Variants in PLXNA1 observed in about 807,000 individuals in gnomAD.
PLXNA1 encodes plexin A1.
A neutral mutation model predicts 191.7 loss-of-function variants in PLXNA1; 77 were observed. That is an observed-to-expected ratio of 0.40 (90% CI 0.33 to 0.49). The LOEUF is 0.49. Among genes scored for constraint, PLXNA1 ranks in the 20% least tolerant of loss-of-function variants. PLXNA1 has a pLI of 0.63. For missense variants in PLXNA1, 2,110 were observed against 2,660.2 expected (o/e 0.79, Z 4.55); for synonymous variants, 1,137 against 1,156.4 (o/e 0.98, Z 0.34).
rs4679323 is a variant in PLXNA1 at position 127,018,425 on chromosome 3, C to G, written c.3792C>G (p.Leu1264=). 1 of 1,612,820 alleles carries G rather than the reference C, an allele frequency of 6.2e-7. No homozygotes were observed. The highest frequency in any genetic ancestry group is 8.5e-7 in the Non-Finnish European group (1 of 1,179,912). The part of the protein sequence containing the change: ...GLLLLVIVAV[L]IAYKRKSRDA... ...TGCTGCTGGTCATCGTGGCTGTGCT[C>G]ATCGCCTACAAGCGCAAGTCACGAG... The change falls in exon 20 of 32, where the codon CTC becomes CTG. Residue 1264 remains leucine (L), a synonymous_variant. Coordinates refer to ENST00000393409, the MANE Select transcript of PLXNA1 (RefSeq NM_032242.4).
intron 3 of PLXNA1, among the ~76,000 whole-genome samples, chr3:126,993,173 C>T (rs576739543): frequency 1.5e-4 from 23 of 152,316 alleles, no homozygotes; most frequent in Non-Finnish European, 2.8e-4. Flanking sequence ...GCCTGTCTCC[C>T]CTGCCTCCTC....
rs749448584 is a variant in PLXNA1, at chr3:126,988,891, A to G, written c.298A>G (p.Ser100Gly). 9 of 1,613,192 alleles carry G rather than the reference A, an allele frequency of 5.6e-6. No individual in the cohort carries two copies. Among genetic ancestry groups the G allele is most frequent in the Non-Finnish European group, 7.6e-6 (9 of 1,180,014 alleles). The change falls in exon 2 of 32, where the codon AGC becomes GGC. Residue 100 changes from serine (S) to glycine (G), a missense_variant. By Grantham distance (56) the Ser-to-Gly change is moderately conservative. This residue lies in a region of PLXNA1 where 903 missense variants were observed against 1,015.7 expected (regional missense o/e 0.89). Coordinates refer to ENST00000393409, the MANE Select transcript of PLXNA1 (RefSeq NM_032242.4). The stretch of plus-strand genomic sequence containing the variant: ...CAACGAGAAGTGCTACCCGCCGCCC[A>G]GCGTGCAGTCCTGCCCCCACGGCCT... ...EDNEKCYPPP[S>G]VQSCPHGLGS...
At chr3:127,001,261 C>T (rs1273590711) in intron 3 of PLXNA1, among the ~76,000 whole-genome samples, 2 of 152,210 alleles carry the variant, frequency 1.3e-5, no homozygotes, top group African/African-American at 2.4e-5. Context: ...CATTTGTGCC[C>T]CCAACCCTGA....
In PLXNA1 at chr3:127,017,682, G is replaced by C; in HGVS notation, c.3516+18G>C. The C allele has an allele frequency of 1.2e-6, 2 of 1,613,108 alleles. No individual in the cohort carries two copies. The highest frequency in any genetic ancestry group is 1.3e-5 in the African/African-American group (1 of 75,020). On this transcript the variant is annotated intron_variant, in intron 18 of 31. Transcript: ENST00000393409. The stretch of plus-strand genomic sequence containing the variant: ...TCCTCAAGGTGGGTCACCATTGCCC[G>C]TAGGCTGGGCCAAGCCAGGGAAGAG...
intron 20 of PLXNA1, among the ~76,000 whole-genome samples, chr3:127,019,788 C>G (rs1342592191): frequency 1.3e-5 from 2 of 152,096 alleles, no homozygotes; most frequent in South Asian, 2.1e-4. Flanking sequence ...GCACCAGGCC[C>G]GAGATGTGCA....
chr3:127,013,386 C>T (rs550915095), intron 10 of PLXNA1, among the ~76,000 whole-genome samples: 5 of 152,240 alleles, frequency 3.3e-5, no homozygotes, highest in East Asian at 1.9e-4. Flanking sequence ...ATTGCCGGGC[C>T]GCCCCTTGGA....
intron 5 of PLXNA1, 49 bp downstream of exon 5, chr3:127,004,760 C>T (rs2107627237): frequency 2.5e-6 from 4 of 1,585,804 alleles, no homozygotes; most frequent in Admixed American, 1.7e-5. Context: ...CCATGGTGGT[C>T]TCACAGTGGG....
Position 127,017,781 on chromosome 3 carries a change from C to G in PLXNA1, c.3549C>G (p.Asn1183Lys), listed in dbSNP as rs750090806. The change falls in exon 19 of 32, where the codon AAC (asparagine) becomes AAG (lysine). Residue 1183 changes from asparagine (N) to lysine (K), a missense_variant. Coordinates refer to ENST00000393409, the MANE Select transcript of PLXNA1 (RefSeq NM_032242.4). The stretch of plus-strand genomic sequence containing the variant: ...ACCTCTTGCCACCTGCACCCGGCAA[C>G]TCCCGACTCAACTACACGGTGCTCA... Reference protein sequence around the residue: ...GRNLLPPAPGNSRLNYTVLIG... With the variant: ...GRNLLPPAPGKSRLNYTVLIG... 7 of 1,613,246 alleles carry G rather than the reference C, an allele frequency of 4.3e-6. No individual in the cohort carries two copies. The South Asian group carries it at 7.7e-5, about 18-fold the overall frequency.
rs767896133 is a variant in PLXNA1, at chr3:127,015,186, A to G, written c.2880A>G (p.Thr960=). ...CAGCAAGTTCCCTCTTCCTGCAGAC[A>G]CCAACCTTCTACCGTGTGAGCCCCT... ...ALSPKRFTFV[T]PTFYRVSPSR... is the part of the protein sequence containing the mutation. The change falls in exon 15 of 32, where the codon ACA becomes ACG. Residue 960 remains threonine, a splice_region_variant and synonymous_variant. Coordinates refer to ENST00000393409, the MANE Select transcript of PLXNA1 (RefSeq NM_032242.4). 12 of 1,610,360 alleles carry G rather than the reference A, an allele frequency of 7.5e-6. No homozygotes were observed. The highest frequency in any genetic ancestry group is 5.9e-6 in the Non-Finnish European group (7 of 1,178,004).
At chr3:127,020,750 G>A (rs1017550703) in intron 21 of PLXNA1, among the ~76,000 whole-genome samples, 4 of 152,194 alleles carry the variant, frequency 2.6e-5, no homozygotes, top group South Asian at 2.1e-4. Context: ...TCCCGCCTGC[G>A]GCTCCACTGG....
chr3:126,991,438 G>C lies in PLXNA1; in HGVS notation c.1249G>C (p.Gly417Arg). 1 of 1,612,890 alleles carries C rather than the reference G, an allele frequency of 6.2e-7. No homozygotes were observed. Among genetic ancestry groups the C allele is most frequent in the Non-Finnish European group, 8.5e-7 (1 of 1,179,896 alleles). Residue 417 changes from glycine (G) to arginine (R), a missense_variant, in exon 3 of 32, where the codon GGC becomes CGC. This residue lies in a region of PLXNA1 where 903 missense variants were observed against 1,015.7 expected (regional missense o/e 0.89). Coordinates refer to ENST00000393409, the MANE Select transcript of PLXNA1 (RefSeq NM_032242.4). ...CGQDFNQPLGGTVTIEGTPLF... is the reference protein window; with the variant it reads ...CGQDFNQPLGRTVTIEGTPLF... ...GCAGGACTTCAACCAGCCCCTGGGG[G>C]GCACAGTCACCATTGAGGGGACGCC...
intron 29 of PLXNA1, among the ~76,000 whole-genome samples, chr3:127,031,660 G>A (rs974610050): frequency 3.3e-5 from 5 of 152,124 alleles, no homozygotes; most frequent in African/African-American, 7.2e-5. Context: ...TCCCAGCTCC[G>A]CCCACTGCTC....
intron 15 of PLXNA1, among the ~76,000 whole-genome samples, chr3:127,016,032 C>A (rs1182412784): frequency 6.6e-6 from 1 of 152,156 alleles, no homozygotes; most frequent in Non-Finnish European, 1.5e-5. Context: ...GGAGCCCCGG[C>A]TGAGTGAGGC....
chr3:127,014,521 C>G lies in PLXNA1; in HGVS notation c.2648C>G (p.Thr883Ser). Residue 883 changes from threonine (T) to serine (S), a missense_variant, in exon 13 of 32, where the codon ACT (threonine) becomes AGT (serine). This residue lies in a region of PLXNA1 where 644 missense variants were observed against 714.3 expected (regional missense o/e 0.90). Coordinates refer to ENST00000393409, the MANE Select transcript of PLXNA1 (RefSeq NM_032242.4). ...CCGAGGCAGGGCGGCACGCGGCTCA[C>G]TATCACAGGCGAGAACCTGGGCCTG... ...TGPRQGGTRL[T>S]ITGENLGLRF... 6.2e-7 allele frequency: 1 copy of G among 1,609,260 alleles called. No homozygotes were observed. Among genetic ancestry groups the G allele is most frequent in the Non-Finnish European group, 8.5e-7 (1 of 1,179,832 alleles).
At chr3:127,033,106 AG>A in intron 31 of PLXNA1, among the ~76,000 whole-genome samples, 1 of 152,278 alleles carries the variant, frequency 6.6e-6, no homozygotes, top group East Asian at 1.9e-4. Flanking sequence ...CCTGAGGCAG[AG>A]GGTGTGTGGG....
chr3:126,991,852 C>G (rs1490861301), intron 3 of PLXNA1, among the ~76,000 whole-genome samples: 1 of 151,934 alleles, frequency 6.6e-6, no homozygotes, highest in East Asian at 1.9e-4. Flanking sequence ...GGGGCTGGCT[C>G]TCCAAGGGCA....
At position 127,016,944 on chromosome 3, in the gene PLXNA1, C is replaced by G; in HGVS notation, c.3183C>G (p.Ser1061Arg). 2 of 1,611,340 alleles carry G rather than the reference C, an allele frequency of 1.2e-6. No individual in the cohort carries two copies. The highest frequency in any genetic ancestry group is 1.7e-6 in the Non-Finnish European group (2 of 1,178,416). Residue 1061 changes from serine to arginine, a missense_variant and splice_region_variant, in exon 17 of 32, where the codon AGC (serine) becomes AGG (arginine). By Grantham distance (110) the Ser-to-Arg change is moderately radical. Coordinates refer to ENST00000393409, the MANE Select transcript of PLXNA1 (RefSeq NM_032242.4). The stretch of plus-strand genomic sequence containing the variant: ...CCCCCCCACCCCTGTCCTGTTCCAG[C>G]GGTGGGACCCTCCTGACGGTCACAG... ...LRIDPEWSIN[S>R]GGTLLTVTGT... is the part of the protein sequence containing the mutation.
chr3:127,022,582 C>T (rs956888842), intron 22 of PLXNA1, among the ~76,000 whole-genome samples, 170 bp from the exon 23 acceptor site: 23 of 152,130 alleles, frequency 1.5e-4, no homozygotes, highest in African/African-American at 4.8e-4. Flanking sequence ...TCCATGGCAG[C>T]CCCTGAAGCG....
In PLXNA1 at chr3:127,029,162, C is replaced by T. The variant is rs2079193060; in HGVS notation, c.4773+66C>T. On this transcript the variant is annotated intron_variant, in intron 26 of 31. Transcript: ENST00000393409. ...CCTTGGGGCTTCCACAGCGCAGCCACCAATGTTTGCAGCATGTGGGCTGGA... is the reference window on the plus strand; with the variant it reads ...CCTTGGGGCTTCCACAGCGCAGCCATCAATGTTTGCAGCATGTGGGCTGGA... 12 of 1,272,768 alleles carry T rather than the reference C, an allele frequency of 9.4e-6. No homozygotes were observed. In the South Asian group the frequency reaches 1.5e-4, roughly 16 times the overall value. The allele number at this position is 1,272,768 out of a possible 1,614,324, so 78.8% of individuals were successfully genotyped here.
Sources: allele counts gnomAD v4.1 joint callset (sites outside exome capture counted in the v4.1 genomes callset), GRCh38; gene constraint gnomAD v4.1.1; regional missense constraint gnomAD v4.1.1; transcripts MANE v1.5; gene names NCBI Gene and HGNC (gene_info 2026-07-23, HGNC 2026-07-21).